The following RBFOX1 variants were observed in gnomAD, a reference collection of about 807,000 sequenced individuals.
The protein encoded by RBFOX1 is RNA binding fox-1 homolog 1.
Under a neutral mutation model 57.7 loss-of-function variants are expected in RBFOX1, and 8 were observed. The ratio of observed to expected loss-of-function variants is 0.14; its 90% CI spans 0.08 to 0.25. RBFOX1 has a LOEUF of 0.25. Among genes scored for constraint, RBFOX1 ranks in the 10% least tolerant of loss-of-function variants. The probability of loss-of-function intolerance (pLI) is 1.00; values close to 1 mark genes in which losing one functional copy is unlikely to be tolerated. For synonymous variants in RBFOX1, 326 were observed against 222.4 expected (o/e 1.47, Z -4.15); for missense variants, 611 against 548.5 (o/e 1.11, Z -1.14).
intron 3 of RBFOX1, among the ~76,000 whole-genome samples, chr16:6,960,345 A>G (rs1024919475): frequency 7.2e-5 from 11 of 152,164 alleles, no homozygotes; most frequent in Admixed American, 5.2e-4. Flanking sequence ...AGGTAGACAT[A>G]TAGCTTAGAA....
At chr16:6,513,009 C>A (rs927116017) in intron 2 of RBFOX1, among the ~76,000 whole-genome samples, 2 of 152,144 alleles carry the variant, frequency 1.3e-5, no homozygotes, top group South Asian at 2.1e-4. Flanking sequence ...TACTTCTCAT[C>A]GATGTCTCCT....
At chr16:6,454,890 T>G (rs1164473639) in intron 2 of RBFOX1, among the ~76,000 whole-genome samples, 18 of 126,534 alleles carry the variant, frequency 1.4e-4, no homozygotes, top group Admixed American at 2.4e-4. Flanking sequence ...TTTTTTTTTT[T>G]TTTTTTTTTT....
chr16:6,638,453 A>G (rs9927866), intron 2 of RBFOX1, among the ~76,000 whole-genome samples: 10,619 of 152,194 alleles, frequency 0.07, 1,259 homozygotes, highest in African/African-American at 0.24. Context: ...TTGGAAACTC[A>G]AGGGCCACGC....
chr16:5,960,388 A>T (rs1047065845), intron 4 of RBFOX1, among the ~76,000 whole-genome samples: 5 of 152,096 alleles, frequency 3.3e-5, no homozygotes, highest in Non-Finnish European at 7.4e-5. Context: ...AACCTATTAG[A>T]TTTCACATTA....
intron 4 of RBFOX1, among the ~76,000 whole-genome samples, chr16:7,371,994 C>T (rs949482373): frequency 6.6e-6 from 1 of 151,914 alleles, no homozygotes; most frequent in Non-Finnish European, 1.5e-5. Flanking sequence ...AACATTACTG[C>T]TACACATGCA....
chr16:6,693,482 A>G (rs925394264), intron 3 of RBFOX1, among the ~76,000 whole-genome samples: 9 of 150,806 alleles, frequency 6.0e-5, no homozygotes, highest in Admixed American at 2.0e-4. Flanking sequence ...ATCCTCCTCC[A>G]CTACCATCAC....
intron 4 of RBFOX1, among the ~76,000 whole-genome samples, chr16:6,003,732 C>T (rs2060643707): frequency 6.6e-6 from 1 of 152,218 alleles, no homozygotes; most frequent in African/African-American, 2.4e-5. Context: ...TTGGGTTCAG[C>T]ATCTTTGTCT....
intron 3 of RBFOX1, among the ~76,000 whole-genome samples, chr16:5,813,210 C>T (rs902164866): frequency 1.3e-5 from 2 of 152,040 alleles, no homozygotes; most frequent in African/African-American, 4.8e-5. Flanking sequence ...GTTTCACCAT[C>T]TTGGTGAGGC....
intron 4 of RBFOX1, among the ~76,000 whole-genome samples, chr16:5,970,048 C>A (rs1287616853): frequency 1.3e-5 from 2 of 152,044 alleles, no homozygotes; most frequent in Non-Finnish European, 2.9e-5. Context: ...TTCAGATTGG[C>A]ACTCTACACA....
chr16:7,116,284 C>G (rs533884675), intron 4 of RBFOX1, among the ~76,000 whole-genome samples: 15 of 152,250 alleles, frequency 9.9e-5, no homozygotes, highest in African/African-American at 3.6e-4. Flanking sequence ...CCGAGCTGCT[C>G]TATCTGCCTC....
chr16:7,160,144 C>G (rs927371202), intron 4 of RBFOX1, among the ~76,000 whole-genome samples: 4 of 151,722 alleles, frequency 2.6e-5, no homozygotes, highest in South Asian at 2.1e-4. Context: ...TCAATTGTTT[C>G]AAAGGAATTC....
chr16:6,306,979 T>C (rs2098333), intron 1 of RBFOX1, among the ~76,000 whole-genome samples: 151,477 of 152,228 alleles, frequency 1, 75,374 homozygotes, highest in East Asian at 1. Context: ...GACATGAACC[T>C]GAAGGCACCA....
At chr16:5,803,563 C>T (rs1438130532) in intron 3 of RBFOX1, among the ~76,000 whole-genome samples, 1 of 152,130 alleles carries the variant, frequency 6.6e-6, no homozygotes, top group African/African-American at 2.4e-5. Context: ...TGTATGGTGC[C>T]TGTCATTCAT....
At chr16:6,133,878 G>A (rs1364082028) in intron 1 of RBFOX1, among the ~76,000 whole-genome samples, 1 of 151,594 alleles carries the variant, frequency 6.6e-6, no homozygotes, top group African/African-American at 2.4e-5. Context: ...CTAAATTACT[G>A]TTTAGACCCC....
chr16:7,643,401 A>T (rs1443630500), intron 11 of RBFOX1, among the ~76,000 whole-genome samples: 1 of 152,272 alleles, frequency 6.6e-6, no homozygotes, highest in South Asian at 2.1e-4. Flanking sequence ...TTGATAACAT[A>T]TTAAAAAAGC....
chr16:5,334,209 C>G (rs938154407), intron 1 of RBFOX1, among the ~76,000 whole-genome samples: 1 of 152,118 alleles, frequency 6.6e-6, no homozygotes, highest in African/African-American at 2.4e-5. Context: ...GCTGACATCT[C>G]TCCGGCCAGA....
intron 2 of RBFOX1, among the ~76,000 whole-genome samples, chr16:6,346,606 T>C (rs1482117702): frequency 6.6e-6 from 1 of 152,230 alleles, no homozygotes; most frequent in Non-Finnish European, 1.5e-5. Flanking sequence ...GAAACTCTTC[T>C]GGTTCCGATG....
chr16:5,951,619 A>G (rs1481859371), intron 4 of RBFOX1, among the ~76,000 whole-genome samples: 1 of 152,108 alleles, frequency 6.6e-6, no homozygotes, highest in Non-Finnish European at 1.5e-5. Context: ...AGAGTACTCC[A>G]GAAACCCCCA....
At chr16:5,956,932 G>C (rs889874884) in intron 4 of RBFOX1, among the ~76,000 whole-genome samples, 5 of 151,404 alleles carry the variant, frequency 3.3e-5, no homozygotes, top group African/African-American at 1.2e-4. Flanking sequence ...GCATCCCAAA[G>C]TGCTAGGGAT....
Sources: allele counts gnomAD v4.1 joint callset (sites outside exome capture counted in the v4.1 genomes callset), GRCh38; gene constraint gnomAD v4.1.1; transcripts MANE v1.5; gene names NCBI Gene and HGNC (gene_info 2026-07-23, HGNC 2026-07-21).